Variants in MGAM observed in about 807,000 individuals in gnomAD.
MGAM encodes alpha-1,4-glucosidase.
A neutral mutation model predicts 358.8 loss-of-function variants in MGAM; 253 were observed. The ratio of observed to expected loss-of-function variants is 0.71; its 90% CI spans 0.64 to 0.78. The LOEUF (loss-of-function observed/expected upper bound fraction) is 0.78, where lower values mean the gene tolerates loss of function less well. MGAM is among the 30% of genes least tolerant of loss of function. The pLI is 0.00. For missense variants in MGAM, 3,080 were observed against 3,432.6 expected, an observed-to-expected ratio of 0.90 and a Z score of 2.57; for synonymous variants, 1,105 against 1,227.1, an observed-to-expected ratio of 0.90 and a Z score of 2.08.
In MGAM at chr7:142,050,851, A is replaced by T; in HGVS notation, c.2792A>T (p.Asp931Val). The change falls in exon 24 of 71, where the codon GAT becomes GTT. Residue 931 changes from aspartate (D) to valine (V), a missense_variant. Coordinates refer to ENST00000475668, the MANE Select transcript of MGAM (RefSeq NM_001365693.1). ...CAGACTTCTCCTACAGTCACTTATG[A>T]TTCTAACCTGAAGGTAAAAACCCAT... ...PSQTSPTVTY[D>V]SNLKVAIITD... The T allele has an allele frequency of 6.2e-7, 1 of 1,613,670 alleles. No individual in the cohort carries two copies. The highest frequency in any genetic ancestry group is 1.3e-5 in the African/African-American group (1 of 75,028).
At chr7:142,034,985 A>T in intron 16 of MGAM, 144 bp downstream of exon 16, 1 of 782,754 alleles carries the variant, frequency 1.3e-6, no homozygotes, top group Non-Finnish European at 2.0e-6. Flanking sequence ...CATCCACATC[A>T]GCAGGGCTTT....
chr7:142,034,123 T>C (rs1807754500), intron 14 of MGAM, 139 bp from the exon 15 acceptor site: 1 of 610,636 alleles, frequency 1.6e-6, no homozygotes, highest in East Asian at 2.8e-5. Flanking sequence ...AGCATTCTAA[T>C]AGTAAGGGAG....
intron 4 of MGAM, among the ~76,000 whole-genome samples, chr7:142,020,603 A>ATATATT (rs374028790): frequency 1.5e-5 from 2 of 132,620 alleles, no homozygotes; most frequent in Admixed American, 7.9e-5. Flanking sequence ...ATATATATAT[A>ATATATT]TTTTTTTTTT....
At chr7:141,986,542 A>G (rs1803713491) in intron 2 of MGAM, among the ~76,000 whole-genome samples, 3 of 152,138 alleles carry the variant, frequency 2.0e-5, no homozygotes, top group South Asian at 4.1e-4. Flanking sequence ...GCTGTAAGAC[A>G]TTGTTTGTGA....
chr7:142,030,281 G>A, intron 10 of MGAM, 81 bp from the exon 11 acceptor site: 1 of 1,437,856 alleles, frequency 7.0e-7, no homozygotes, highest in South Asian at 1.3e-5. Context: ...TGTTTATCCT[G>A]AATAATAACA....
intron 2 of MGAM, among the ~76,000 whole-genome samples, chr7:141,990,843 T>C (rs540255015): frequency 1.3e-5 from 2 of 152,312 alleles, no homozygotes; most frequent in Admixed American, 6.5e-5. Context: ...ATATCTTTCC[T>C]TTTCGCCTTC....
intron 45 of MGAM, among the ~76,000 whole-genome samples, chr7:142,074,772 G>T (rs1189438551): frequency 6.8e-6 from 1 of 146,324 alleles, no homozygotes; most frequent in African/African-American, 2.4e-5. Flanking sequence ...AATCCAATAT[G>T]TAGATTAAAA....
At chr7:142,007,856 A>T (rs1805291044) in intron 2 of MGAM, among the ~76,000 whole-genome samples, 1 of 152,040 alleles carries the variant, frequency 6.6e-6, no homozygotes, top group Non-Finnish European at 1.5e-5. Context: ...TGACTTGGGG[A>T]TTGGCTGTTG....
At chr7:142,100,196 T>C (rs1816318064) in intron 67 of MGAM, among the ~76,000 whole-genome samples, 1 of 152,210 alleles carries the variant, frequency 6.6e-6, no homozygotes, top group Admixed American at 6.5e-5. Flanking sequence ...TATATGAATA[T>C]GGGCATTTCC....
chr7:142,044,108 A>T (rs552272441), intron 21 of MGAM, among the ~76,000 whole-genome samples: 5 of 142,964 alleles, frequency 3.5e-5, no homozygotes, highest in African/African-American at 1.3e-4. Context: ...TAATATATAC[A>T]TTATATACAC....
At chr7:142,001,369 G>T (rs1804719806) in intron 1 of MGAM, among the ~76,000 whole-genome samples, 1 of 152,196 alleles carries the variant, frequency 6.6e-6, no homozygotes, top group African/African-American at 2.4e-5. Context: ...AAATGACTAA[G>T]GATGGCTGCT....
intron 42 of MGAM, among the ~76,000 whole-genome samples, chr7:142,067,936 A>ATATATATATATATATATATT: frequency 6.1e-5 from 1 of 16,278 alleles, no homozygotes; most frequent in Non-Finnish European, 2.2e-4. Flanking sequence ...CCTCCCTCAA[A>ATATATATATATATATATATT]TATATATATA....
chr7:142,056,991 G>A, intron 30 of MGAM, 49 bp downstream of exon 30: 1 of 1,559,722 alleles, frequency 6.4e-7, no homozygotes, highest in Non-Finnish European at 8.8e-7. Flanking sequence ...GCACATTCTG[G>A]GTGCCAGAGT....
intron 25 of MGAM, 145 bp from the exon 26 acceptor site, chr7:142,052,639 A>G (rs1397520851): frequency 3.8e-6 from 5 of 1,309,542 alleles, no homozygotes; most frequent in African/African-American, 3.0e-5. Flanking sequence ...CTTGGAGACA[A>G]GGAATTGAAA....
chr7:142,025,512 T>G (rs10274727), intron 8 of MGAM, among the ~76,000 whole-genome samples: 2 of 152,096 alleles, frequency 1.3e-5, no homozygotes, highest in Non-Finnish European at 2.9e-5. Flanking sequence ...TGAATTGCCA[T>G]AGGGGAAGAG....
At chr7:142,026,114 C>T (rs1488264736) in intron 8 of MGAM, among the ~76,000 whole-genome samples, 3 of 152,020 alleles carry the variant, frequency 2.0e-5, no homozygotes, top group Non-Finnish European at 4.4e-5. Context: ...CATTTTATTC[C>T]TAGATACGAA....
In MGAM at chr7:142,078,936, C is replaced by T. The variant is rs1813982112; in HGVS notation, c.5775C>T (p.Ala1925=). The T allele has an allele frequency of 3.9e-6, 6 of 1,556,054 alleles. No individual in the cohort carries two copies. The East Asian group carries it at 1.4e-4, about 35-fold the overall frequency. ...TAAAGTCTTCTGTTCATGCCAATGC[C>T]TTCCCTTCCACACCCGTGAACCCCC... The part of the protein sequence containing the change: ...ISLKSSVHAN[A]FPSTPVNPLR... The change falls in exon 49 of 71, where the codon GCC becomes GCT. Residue 1925 remains alanine, a synonymous_variant. Coordinates refer to ENST00000475668, the MANE Select transcript of MGAM (RefSeq NM_001365693.1).
In MGAM at chr7:142,041,883, CGTATAAT is replaced by C. The variant is rs1208033693; in HGVS notation, c.2498+1038_2498+1044del. Reference sequence around the variant, plus strand: ...ATTTTATATATATATTATATATATACGTATAATATATAATATATATATTATATATATA... The same window carrying C: ...ATTTTATATATATATTATATATATACATATAATATATATATTATATATATA... On this transcript the variant is annotated intron_variant, in intron 21 of 70. Coordinates refer to ENST00000475668, the MANE Select transcript of MGAM (RefSeq NM_001365693.1). 2.8e-3 allele frequency among the ~76,000 whole-genome samples: 189 copies of C among 68,088 alleles called. 13 individuals carry two copies. Among genetic ancestry groups the C allele is most frequent in the African/African-American group, 0.01 (177 of 17,556 alleles). 44.7% of individuals were successfully genotyped at this position (68,088 alleles called of 152,430 possible).
At chr7:142,031,364 T>A (rs782589124) in intron 12 of MGAM, among the ~76,000 whole-genome samples, 5 of 152,174 alleles carry the variant, frequency 3.3e-5, no homozygotes, top group Non-Finnish European at 5.9e-5. Context: ...ATTTACACAA[T>A]GCTCTTCCCC....
Sources: allele counts gnomAD v4.1 joint callset (sites outside exome capture counted in the v4.1 genomes callset), GRCh38; gene constraint gnomAD v4.1.1; transcripts MANE v1.5; gene names NCBI Gene and HGNC (gene_info 2026-07-23, HGNC 2026-07-21).